The following TXNRD2 variants were observed in gnomAD, a reference collection of about 807,000 sequenced individuals.
TXNRD2 encodes the protein thioredoxin reductase 2, mitochondrial.
TXNRD2 carries 67 observed loss-of-function variants against 70.8 expected under a neutral mutation model. That is an observed-to-expected ratio of 0.95 (90% CI 0.78 to 1.16). TXNRD2 has a LOEUF of 1.16. TXNRD2 is among the 50% of genes most tolerant of loss of function. The pLI, the probability that TXNRD2 is intolerant of heterozygous loss-of-function variation, is 0.00. For missense variants in TXNRD2, 644 were observed against 719.9 expected (o/e 0.89, Z 1.21); for synonymous variants, 301 against 295.8 (o/e 1.02, Z -0.18).
intron 1 of TXNRD2, chr22:19,933,451 T>G: frequency 2.3e-6 from 3 of 1,289,712 alleles, no homozygotes; most frequent in Non-Finnish European, 3.0e-6. Flanking sequence ...GGCAGGTGCC[T>G]GTCCTTCTTG....
At chr22:19,897,217 G>A (rs1354948373) in intron 10 of TXNRD2, among the ~76,000 whole-genome samples, 2 of 152,166 alleles carry the variant, frequency 1.3e-5, no homozygotes, top group Non-Finnish European at 2.9e-5. Flanking sequence ...TCAGCCTGGG[G>A]GTGGCACTGG....
chr22:19,904,618 C>G (rs576636076), intron 8 of TXNRD2, among the ~76,000 whole-genome samples: 1 of 152,236 alleles, frequency 6.6e-6, no homozygotes, highest in Non-Finnish European at 1.5e-5. Context: ...CACAGACGTG[C>G]GCTGAAAGGA....
chr22:19,926,566 G>T (rs1941153157), intron 2 of TXNRD2, among the ~76,000 whole-genome samples: 1 of 152,080 alleles, frequency 6.6e-6, no homozygotes, highest in Admixed American at 6.6e-5. Flanking sequence ...ACACTTGAGA[G>T]GTCAAGAGTT....
intron 6 of TXNRD2, 67 bp from the exon 7 acceptor site, chr22:19,915,343 A>G: frequency 6.5e-7 from 1 of 1,536,218 alleles, no homozygotes; most frequent in South Asian, 1.2e-5. Flanking sequence ...GGAGGGCCTG[A>G]GCACCACAGA....
chr22:19,898,954 C>G, intron 9 of TXNRD2, 95 bp downstream of exon 9: 1 of 1,521,274 alleles, frequency 6.6e-7, no homozygotes, highest in Non-Finnish European at 9.0e-7. Context: ...TCTGAGGCAG[C>G]AAAGAGCCTG....
chr22:19,907,774 G>A, intron 8 of TXNRD2, among the ~76,000 whole-genome samples: 1 of 44,746 alleles, frequency 2.2e-5, no homozygotes, highest in African/African-American at 8.2e-5. Context: ...TGGGCGCCGT[G>A]GGTAGCAGTG....
rs1569067966 is a variant in TXNRD2 at position 19,877,126 on chromosome 22, CGTGGGGT to C, written c.1547_1553del (p.Asp516GlyfsTer2). ...GCGCTTACCCTCAGCAGCCTGTCAC[CGTGGGGT>C]CCAGGCCTGAGCGCTTGGAGATGCG... On this transcript the variant is annotated frameshift_variant, in exon 17 of 18. Coordinates refer to ENST00000400521, the MANE Select transcript of TXNRD2 (RefSeq NM_006440.5). LOFTEE classifies it high-confidence loss of function. 6.2e-7 allele frequency: 1 copy of C among 1,601,346 alleles called. No individual in the cohort carries two copies. The highest frequency in any genetic ancestry group is 8.5e-7 in the Non-Finnish European group (1 of 1,170,298).
intron 11 of TXNRD2, among the ~76,000 whole-genome samples, chr22:19,888,763 TCACG>T (rs1278963118): frequency 6.6e-6 from 1 of 152,202 alleles, no homozygotes; most frequent in East Asian, 1.9e-4. Context: ...CCAGCCACCC[TCACG>T]GGGCCTGGCC....
intron 11 of TXNRD2, among the ~76,000 whole-genome samples, chr22:19,888,828 C>T (rs1362465934): frequency 1.3e-5 from 2 of 152,048 alleles, no homozygotes; most frequent in East Asian, 1.9e-4. Context: ...GGAGCGTATG[C>T]CTTTGGAACT....
At chr22:19,918,326 CAA>C in intron 4 of TXNRD2, 109 bp from the exon 5 acceptor site, 1 of 1,064,454 alleles carries the variant, frequency 9.4e-7, no homozygotes, top group Admixed American at 2.0e-5. Flanking sequence ...TATCAAAAAA[CAA>C]GAGTGCTTTT....
chr22:19,913,945 T>C lies in TXNRD2; in HGVS notation c.591+1269A>G, dbSNP rs73880010. ...GTAAAGACTTCAGTGGCCACATACA[T>C]CAAAGAATAAGAGTCTACAAAGTCA... On this transcript the variant is annotated intron_variant, in intron 7 of 17. Coordinates refer to ENST00000400521, the MANE Select transcript of TXNRD2 (RefSeq NM_006440.5). 4.9e-3 allele frequency among the ~76,000 whole-genome samples: 739 copies of C among 152,178 alleles called. 3 individuals are homozygous for C. Among genetic ancestry groups the C allele is most frequent in the Middle Eastern group, 0.014 (4 of 294 alleles).
intron 8 of TXNRD2, among the ~76,000 whole-genome samples, chr22:19,909,577 ACACACACACACCACACACACCAC>A (rs1569092967): frequency 3.1e-4 from 12 of 38,802 alleles, no homozygotes; most frequent in African/African-American, 4.3e-4. Flanking sequence ...TACACACACC[ACACACACACACCACACACACCAC>A]TCACACACAC....
intron 1 of TXNRD2, chr22:19,932,212 C>A: frequency 9.5e-6 from 13 of 1,370,812 alleles, no homozygotes; most frequent in Non-Finnish European, 1.1e-5. Context: ...CTGTCCCTCA[C>A]AGCTGGCCAG....
chr22:19,913,093 T>A (rs1406359104), intron 7 of TXNRD2, among the ~76,000 whole-genome samples: 1 of 152,150 alleles, frequency 6.6e-6, no homozygotes, highest in Non-Finnish European at 1.5e-5. Context: ...CCAGCCCATT[T>A]GCTTTCCCTG....
At position 19,895,503 on chromosome 22, in the gene TXNRD2, T is replaced by C; in HGVS notation, c.853A>G (p.Arg285Gly). The C allele has an allele frequency of 6.2e-7, 1 of 1,613,950 alleles. No individual in the cohort carries two copies. Among genetic ancestry groups the C allele is most frequent in the Non-Finnish European group, 8.5e-7 (1 of 1,180,026 alleles). Residue 285 changes from arginine (R) to glycine (G), a missense_variant, in exon 11 of 18, where the codon AGG becomes GGG. By Grantham distance (125) the Arg-to-Gly change is moderately radical (BLOSUM62 -2). This residue lies in a region of TXNRD2 where 566 missense variants were observed against 645.0 expected (regional missense o/e 0.88). Transcript: ENST00000400521. ...TGCAGCTGGCCATCAGGGAGCCTCC[T>C]GACCCGCGAGGGGGCACAGCCCCTC... is the stretch of plus-strand genomic sequence containing the variant. ...FLRGCAPSRV[R>G]RLPDGQLQVT... is the part of the protein sequence containing the mutation.
chr22:19,915,227 C>T lies in TXNRD2; in HGVS notation c.578G>A (p.Arg193Lys), dbSNP rs778590568. 1 of 1,613,880 alleles carries T rather than the reference C, an allele frequency of 6.2e-7. No individual in the cohort carries two copies. Among genetic ancestry groups the T allele is most frequent in the South Asian group, 1.1e-5 (1 of 90,968 alleles). Residue 193 changes from arginine (R) to lysine (K), a missense_variant, in exon 7 of 18, where the codon AGA (arginine) becomes AAA (lysine). Coordinates refer to ENST00000400521, the MANE Select transcript of TXNRD2 (RefSeq NM_006440.5). ...GGGGACACTCACGTGCGTGGGGTAT[C>T]TCGGCCGCCCTCCAGTAGCAATGAT... ...HIIIATGGRPRYPTHIEGALE... is the reference protein window; with the variant it reads ...HIIIATGGRPKYPTHIEGALE...
rs537778226 is a variant in TXNRD2 at position 19,879,857 on chromosome 22, G to A, written c.1275+322C>T. ...TGCTGGGCACCCCTGCAGCATGGCT[G>A]GGGTGGGGCTGGGGGCTTCTGGGCC... On this transcript the variant is annotated intron_variant, in intron 14 of 17. Transcript: ENST00000400521. Among the ~76,000 whole-genome samples the A allele has an allele frequency of 2.0e-5, 3 of 152,268 alleles. No homozygotes were observed. The South Asian group carries it at 6.2e-4, about 32-fold the overall frequency.
At chr22:19,932,189 G>C (rs1158735966) in intron 1 of TXNRD2, among the ~76,000 whole-genome samples, 1 of 148,792 alleles carries the variant, frequency 6.7e-6, no homozygotes, top group African/African-American at 2.5e-5. Context: ...AAGAATAAAA[G>C]CACAAGCAGC....
intron 12 of TXNRD2, 115 bp from the exon 13 acceptor site, chr22:19,880,832 C>A (rs928736986): frequency 1.4e-6 from 1 of 709,498 alleles, no homozygotes; most frequent in African/African-American, 1.7e-5. Context: ...ATCCCCAACA[C>A]TGGCACCGAG....
Sources: gnomAD v4.1 joint callset for allele counts (sites outside exome capture counted in the v4.1 genomes callset) on GRCh38, gnomAD v4.1.1 for gene constraint, gnomAD v4.1.1 regional missense constraint, MANE v1.5 for transcripts, NCBI Gene and HGNC (gene_info 2026-07-23, HGNC 2026-07-21) for gene names.